The following DNM2 variants were observed in gnomAD, a reference collection of about 807,000 sequenced individuals.
The protein encoded by DNM2 is dynamin-2.
In DNM2, 15 loss-of-function variants were observed where a neutral mutation model predicts 99.0. The observed-to-expected ratio is 0.15, with a 90% CI of 0.10 to 0.23. The LOEUF (loss-of-function observed/expected upper bound fraction) is 0.23, where lower values mean the gene tolerates loss of function less well. Among genes scored for constraint, DNM2 ranks in the 10% least tolerant of loss-of-function variants. DNM2 has a pLI of 1.00. For missense variants in DNM2, 742 were observed against 1,189.4 expected, an observed-to-expected ratio of 0.62 and a Z score of 5.53; for synonymous variants, 525 against 481.2, an observed-to-expected ratio of 1.09 and a Z score of -1.19.
At chr19:10,771,288 G>T (rs895236662) in intron 2 of DNM2, among the ~76,000 whole-genome samples, 1 of 152,158 alleles carries the variant, frequency 6.6e-6, no homozygotes, top group South Asian at 2.1e-4. Flanking sequence ...TCTGTGATTC[G>T]GGACTGGATT....
Position 10,812,482 on chromosome 19 carries a change from C to G in DNM2, c.1671+105C>G. On this transcript the variant is annotated intron_variant, in intron 15 of 20. Coordinates refer to ENST00000389253, the MANE Select transcript of DNM2 (RefSeq NM_001005361.3). This position sits in a 1 kb window ranked among gnomAD's most constrained non-coding sequence, Gnocchi z 4.0. Reference sequence around the variant, plus strand: ...AACTCAGTCACTGCGCCACTCTGCCCTGAGTCACCATTAGGACTGTAACTC... The same window carrying G: ...AACTCAGTCACTGCGCCACTCTGCCGTGAGTCACCATTAGGACTGTAACTC... 2.1e-6 allele frequency: 2 copies of G among 944,074 alleles called. No individual in the cohort carries two copies. Among genetic ancestry groups the G allele is most frequent in the Admixed American group, 4.2e-5 (2 of 47,986 alleles). 58.5% of individuals were successfully genotyped at this position (944,074 alleles called of 1,614,324 possible).
intron 12 of DNM2, among the ~76,000 whole-genome samples, chr19:10,804,103 C>T (rs905832501): frequency 1.3e-5 from 2 of 152,104 alleles, no homozygotes; most frequent in African/African-American, 4.8e-5. Context: ...GCCAGGAGGG[C>T]CCTGCAGGTC....
chr19:10,732,323 C>T (rs2069354602), intron 1 of DNM2, among the ~76,000 whole-genome samples: 1 of 145,862 alleles, frequency 6.9e-6, no homozygotes, highest in Non-Finnish European at 1.5e-5. Context: ...AAAAAACAGG[C>T]CGGGCGGTGG....
intron 13 of DNM2, 79 bp downstream of exon 13, chr19:10,806,046 A>T: frequency 6.3e-7 from 1 of 1,587,206 alleles, no homozygotes; most frequent in Non-Finnish European, 8.6e-7. Context: ...CCCGTGATGG[A>T]GCTCGGCCTG....
chr19:10,805,784 AG>A, intron 12 of DNM2, 131 bp from the exon 13 acceptor site: 1 of 1,064,708 alleles, frequency 9.4e-7, no homozygotes. Context: ...CTGTGTGTGC[AG>A]GGGGCTTCTC....
At chr19:10,784,818 G>GTT (rs1265318885) in intron 6 of DNM2, among the ~76,000 whole-genome samples, 144 of 51,200 alleles carry the variant, frequency 2.8e-3, no homozygotes, top group Non-Finnish European at 4.2e-3. Context: ...TTTTTTTGAT[G>GTT]ATTTTTTTTT....
At chr19:10,735,189 T>G (rs536116137) in intron 1 of DNM2, among the ~76,000 whole-genome samples, 2 of 152,054 alleles carry the variant, frequency 1.3e-5, no homozygotes, top group Non-Finnish European at 2.9e-5. Flanking sequence ...GATTACAGGC[T>G]GCCACCATGC....
intron 16 of DNM2, among the ~76,000 whole-genome samples, chr19:10,821,539 A>C (rs1242016448): frequency 3.4e-5 from 5 of 148,578 alleles, no homozygotes; most frequent in Non-Finnish European, 7.4e-5. Context: ...TGAAATCCTG[A>C]CTTTTTTTTT....
At chr19:10,770,268 C>T (rs532307100) in intron 2 of DNM2, among the ~76,000 whole-genome samples, 2 of 152,266 alleles carry the variant, frequency 1.3e-5, no homozygotes, top group East Asian at 3.9e-4. Flanking sequence ...TTATTCACGT[C>T]GCCAGGTCTC....
chr19:10,742,623 T>C (rs913853383), intron 1 of DNM2, among the ~76,000 whole-genome samples: 1 of 152,182 alleles, frequency 6.6e-6, no homozygotes, highest in African/African-American at 2.4e-5. Context: ...GAGCCTGGCC[T>C]TCCTGTCTCT....
intron 1 of DNM2, among the ~76,000 whole-genome samples, chr19:10,720,977 G>A (rs1415062673): frequency 3.3e-5 from 5 of 152,154 alleles, no homozygotes; most frequent in Middle Eastern, 3.2e-3. Flanking sequence ...ACTGGAGGCT[G>A]TAAAGTGAGG....
intron 1 of DNM2, among the ~76,000 whole-genome samples, chr19:10,739,623 G>A (rs1462656651): frequency 6.6e-6 from 1 of 152,202 alleles, no homozygotes; most frequent in African/African-American, 2.4e-5. Context: ...GGAGGCTGAG[G>A]CGGGCAGATC....
chr19:10,831,662 C>T lies in DNM2; in HGVS notation c.*615C>T. Reference sequence around the variant, plus strand: ...AGCCGTTGGCCCGGGCCGGCCTTGCCCTATTCCTCTCCTCCTCCTCCTCCT... The same window carrying T: ...AGCCGTTGGCCCGGGCCGGCCTTGCTCTATTCCTCTCCTCCTCCTCCTCCT... On this transcript the variant is annotated 3_prime_UTR_variant, in exon 21 of 21. Transcript: ENST00000389253. The surrounding 1 kb of genome is among the most constrained non-coding windows in gnomAD (Gnocchi z 4.3). The T allele has an allele frequency of 1.0e-6, 1 of 986,292 alleles. No individual in the cohort carries two copies. 61.1% of individuals were successfully genotyped at this position (986,292 alleles called of 1,614,324 possible).
chr19:10,807,123 A>G (rs115016167), intron 13 of DNM2, among the ~76,000 whole-genome samples: 12,043 of 152,200 alleles, frequency 0.079, 480 homozygotes, highest in Middle Eastern at 0.099. Flanking sequence ...CCTGGGCTGC[A>G]GTGCAGTGGC....
At chr19:10,719,191 C>T (rs1448350694) in intron 1 of DNM2, among the ~76,000 whole-genome samples, 3 of 152,114 alleles carry the variant, frequency 2.0e-5, no homozygotes. Flanking sequence ...CTGCCCATGA[C>T]TACCCCTGAG....
intron 2 of DNM2, among the ~76,000 whole-genome samples, chr19:10,760,688 G>T (rs1698340101): frequency 6.6e-6 from 1 of 151,634 alleles, no homozygotes; most frequent in African/African-American, 2.4e-5. Flanking sequence ...AAGAGACAGG[G>T]TCTCACTCTG....
At chr19:10,797,131 T>G (rs1024562880) in intron 9 of DNM2, among the ~76,000 whole-genome samples, 1 of 152,080 alleles carries the variant, frequency 6.6e-6, no homozygotes, top group Admixed American at 6.6e-5. Context: ...ACCTTGGCTG[T>G]CTGTCTGTGC....
chr19:10,790,344 A>T (rs911251738), intron 7 of DNM2, among the ~76,000 whole-genome samples: 3 of 152,082 alleles, frequency 2.0e-5, no homozygotes, highest in Admixed American at 6.6e-5. Flanking sequence ...TTGTAAGTTC[A>T]TCTGTGACTG....
In DNM2 at chr19:10,721,408, C is replaced by T. The variant is rs182653056; in HGVS notation, c.161+3005C>T. On this transcript the variant is annotated intron_variant, in intron 1 of 20. Transcript: ENST00000389253. ...CTGACCTCAGGTGATCCGCCCACCTCGGCCACCCAAAATGCTGGCATTAAA... is the reference window on the plus strand; with the variant it reads ...CTGACCTCAGGTGATCCGCCCACCTTGGCCACCCAAAATGCTGGCATTAAA... Among the ~76,000 whole-genome samples the T allele has an allele frequency of 9.2e-5, 14 of 152,290 alleles. No homozygotes were observed. The East Asian group carries it at 2.3e-3, about 25-fold the overall frequency.
Sources: allele counts gnomAD v4.1 joint callset (sites outside exome capture counted in the v4.1 genomes callset), GRCh38; gene constraint gnomAD v4.1.1; non-coding constraint Gnocchi (gnomAD v3.1); transcripts MANE v1.5; gene names NCBI Gene and HGNC (gene_info 2026-07-23, HGNC 2026-07-21).